The following USP28 variants were observed in gnomAD, a reference collection of about 807,000 sequenced individuals.
The protein encoded by USP28 is ubiquitin carboxyl-terminal hydrolase 28.
USP28 carries 113 observed loss-of-function variants against 145.0 expected under a neutral mutation model. The ratio of observed to expected loss-of-function variants is 0.78; its 90% CI spans 0.67 to 0.91. USP28 has a LOEUF of 0.91. USP28 is among the 40% of genes least tolerant of loss of function. The pLI is 0.00. For synonymous variants in USP28, 447 were observed against 450.9 expected (o/e 0.99, Z 0.11); for missense variants, 1,201 against 1,289.6 (o/e 0.93, Z 1.05).
chr11:113,868,585 AG>A (rs1948518109), intron 1 of USP28, among the ~76,000 whole-genome samples: 1 of 152,162 alleles, frequency 6.6e-6, no homozygotes. Flanking sequence ...CTCATCTGTA[AG>A]ATAGAAGCAA....
chr11:113,873,204 G>C (rs190631833), intron 1 of USP28, among the ~76,000 whole-genome samples: 15 of 152,318 alleles, frequency 9.8e-5, no homozygotes, highest in South Asian at 4.1e-4. Context: ...AATCTTTCCT[G>C]TAAGATCAAA....
chr11:113,818,155 TG>T (rs1942036948), intron 12 of USP28: 1 of 196,986 alleles, frequency 5.1e-6, no homozygotes, highest in Non-Finnish European at 1.0e-5. Context: ...TTTTATTTTT[TG>T]GTTTTTTTTT....
chr11:113,854,393 C>T, intron 1 of USP28, 58 bp from the exon 2 acceptor site: 2 of 1,503,318 alleles, frequency 1.3e-6, no homozygotes, highest in East Asian at 2.3e-5. Flanking sequence ...AACCTGGGTA[C>T]ATTTAAAGAA....
chr11:113,841,596 C>A (rs1945199508), intron 4 of USP28, 67 bp downstream of exon 4: 1 of 982,462 alleles, frequency 1.0e-6, no homozygotes, highest in Non-Finnish European at 1.5e-6. Context: ...GAGTGGCATT[C>A]ACAGAGCTGT....
chr11:113,826,736 A>G (rs1450666141), intron 11 of USP28, among the ~76,000 whole-genome samples: 1 of 151,914 alleles, frequency 6.6e-6, no homozygotes, highest in East Asian at 2.0e-4. Flanking sequence ...CCTGACCAAC[A>G]TGGAGAAACC....
intron 1 of USP28, among the ~76,000 whole-genome samples, chr11:113,873,897 C>CT (rs1565532169): frequency 1.3e-5 from 2 of 152,108 alleles, no homozygotes; most frequent in African/African-American, 4.8e-5. Context: ...AATCCCAGCA[C>CT]TTTGGGAGGC....
intron 1 of USP28, among the ~76,000 whole-genome samples, chr11:113,875,161 C>A (rs1334738894): frequency 6.6e-6 from 1 of 152,186 alleles, no homozygotes; most frequent in Non-Finnish European, 1.5e-5. Context: ...CTGATCCCTG[C>A]GGCGGAGAAC....
chr11:113,825,050 A>G (rs1173727239), intron 11 of USP28, among the ~76,000 whole-genome samples: 1 of 152,200 alleles, frequency 6.6e-6, no homozygotes, highest in African/African-American at 2.4e-5. Flanking sequence ...AAAAATTTAC[A>G]TAGAAATGCA....
chr11:113,808,229 T>A (rs575375327), intron 18 of USP28, 69 bp downstream of exon 18: 1 of 1,575,614 alleles, frequency 6.3e-7, no homozygotes, highest in South Asian at 1.1e-5. Flanking sequence ...ATAATAGAAA[T>A]GTGAGAAAAC....
intron 1 of USP28, chr11:113,874,937 T>C (rs1292735644): frequency 7.1e-6 from 7 of 988,610 alleles, no homozygotes; most frequent in Non-Finnish European, 8.4e-6. Context: ...TAAAGCCGGG[T>C]TGGGAGGGAG....
At chr11:113,856,751 C>T (rs1405149860) in intron 1 of USP28, among the ~76,000 whole-genome samples, 11 of 152,196 alleles carry the variant, frequency 7.2e-5, no homozygotes, top group East Asian at 5.8e-4. Context: ...CTCACTGTGT[C>T]GCCCAGGCTG....
At chr11:113,861,036 C>T (rs927501979) in intron 1 of USP28, among the ~76,000 whole-genome samples, 33 of 150,408 alleles carry the variant, frequency 2.2e-4, no homozygotes, top group Non-Finnish European at 4.6e-4. Context: ...GAGAACCTGG[C>T]GTGAACCTGG....
In USP28 at chr11:113,828,985, C is replaced by T. The variant is rs184360495; in HGVS notation, c.1059+212G>A. 7.0e-4 allele frequency: 495 copies of T among 707,962 alleles called. 5 individuals are homozygous for T. The highest frequency in any genetic ancestry group is 9.7e-4 in the Admixed American group (46 of 47,584). 43.9% of individuals were successfully genotyped at this position (707,962 alleles called of 1,614,324 possible). ...TCAGAAGCAGCATACAACCTTTACA[C>T]GAGTAACTCAAATTCATAGTTTTAG... On this transcript the variant is annotated intron_variant, in intron 10 of 24. Transcript: ENST00000003302.
At chr11:113,838,823 C>T (rs1200434992) in intron 5 of USP28, among the ~76,000 whole-genome samples, 2 of 152,218 alleles carry the variant, frequency 1.3e-5, no homozygotes, top group African/African-American at 4.8e-5. Context: ...TGCTGTTTCC[C>T]CAGAGCCTAA....
chr11:113,875,007 T>A (rs1949228918), intron 1 of USP28: 6 of 755,120 alleles, frequency 7.9e-6, no homozygotes, highest in South Asian at 5.8e-5. Context: ...TTCCGGACTT[T>A]AAGTGAGATA....
chr11:113,874,258 C>G (rs2137312184), intron 1 of USP28, among the ~76,000 whole-genome samples: 1 of 151,640 alleles, frequency 6.6e-6, no homozygotes, highest in African/African-American at 2.4e-5. Context: ...TTGAGACCAG[C>G]CTGACCAATA....
intron 1 of USP28, among the ~76,000 whole-genome samples, chr11:113,867,080 T>C (rs1031473436): frequency 6.6e-5 from 10 of 152,208 alleles, no homozygotes; most frequent in Non-Finnish European, 1.2e-4. Context: ...GAAATCTCTC[T>C]AATACGTAAA....
At chr11:113,844,117 A>G (rs1168809813) in intron 3 of USP28, among the ~76,000 whole-genome samples, 1 of 152,132 alleles carries the variant, frequency 6.6e-6, no homozygotes, top group Admixed American at 6.5e-5. Flanking sequence ...AGATTAAAAA[A>G]TCCTTTGGGC....
At chr11:113,813,977 A>C (rs762649010) in intron 14 of USP28, 22 bp from the exon 15 acceptor site, 3 of 1,563,200 alleles carry the variant, frequency 1.9e-6, no homozygotes, top group Non-Finnish European at 1.7e-6. Context: ...AAGAAAAACA[A>C]AAGCTTCACT....
Sources: allele counts gnomAD v4.1 joint callset (sites outside exome capture counted in the v4.1 genomes callset), GRCh38; gene constraint gnomAD v4.1.1; transcripts MANE v1.5; gene names NCBI Gene and HGNC (gene_info 2026-07-23, HGNC 2026-07-21).